ANKRD45: variants seen among roughly 807,000 people sequenced by gnomAD.
The protein encoded by ANKRD45 is ankyrin repeat domain 45.
In ANKRD45, 21 loss-of-function variants were observed where a neutral mutation model predicts 28.1. That is an observed-to-expected ratio of 0.75 (90% CI 0.53 to 1.08). The LOEUF (loss-of-function observed/expected upper bound fraction) is 1.08. ANKRD45 is among the 50% of genes least tolerant of loss of function. The probability of loss-of-function intolerance (pLI) is 0.00; values close to 1 mark genes in which losing one functional copy is unlikely to be tolerated. For synonymous variants in ANKRD45, 86 were observed against 103.9 expected (o/e 0.83, Z 1.05); for missense variants, 261 against 308.7 (o/e 0.85, Z 1.16).
intron 2 of ANKRD45, among the ~76,000 whole-genome samples, chr1:173,656,066 AGGCGATGCCCTGCCCTGCTTT>A: frequency 1.3e-5 from 2 of 152,308 alleles, no homozygotes; most frequent in Middle Eastern, 6.8e-3. Context: ...TTCCCATGTG[AGGCGATGCCCTGCCCTGCTTT>A]GGCTCACCCT....
chr1:173,659,436 A>G lies in ANKRD45; in HGVS notation c.-15-3T>C. ...GACTCCATTAACTCCAAAAATACCT[A>G]TGACCAAAAAAATAAAAAAGTGATA... On this transcript the variant is annotated splice_polypyrimidine_tract_variant and splice_region_variant and intron_variant, in intron 1 of 5. Transcript: ENST00000333279. The G allele has an allele frequency of 6.6e-7, 1 of 1,504,676 alleles. No homozygotes were observed. 93.2% of individuals were successfully genotyped at this position (1,504,676 alleles called of 1,614,324 possible).
intron 5 of ANKRD45, among the ~76,000 whole-genome samples, chr1:173,616,834 C>T (rs1428130547): frequency 6.6e-6 from 1 of 152,166 alleles, no homozygotes; most frequent in African/African-American, 2.4e-5. Context: ...TATCCAGGTT[C>T]TTCCATTGGG....
chr1:173,637,990 G>C (rs1668529903), intron 3 of ANKRD45, among the ~76,000 whole-genome samples: 1 of 152,136 alleles, frequency 6.6e-6, no homozygotes, highest in African/African-American at 2.4e-5. Flanking sequence ...AAAGAGAGAG[G>C]CTTGCAGGAC....
chr1:173,610,048 TAAAG>T lies in ANKRD45; in HGVS notation c.*93_*96del. The T allele has an allele frequency of 7.9e-7, 1 of 1,272,004 alleles. No individual in the cohort carries two copies. Among genetic ancestry groups the T allele is most frequent in the Non-Finnish European group, 1.1e-6 (1 of 883,116 alleles). The allele number at this position is 1,272,004 out of a possible 1,614,324, so 78.8% of individuals were successfully genotyped here. A position where few individuals can be genotyped will look rare whatever the true frequency, so the allele number is the denominator to read the frequency against. On this transcript the variant is annotated 3_prime_UTR_variant, in exon 6 of 6. Coordinates refer to ENST00000333279, the MANE Select transcript of ANKRD45 (RefSeq NM_198493.3). ...CGATGTAATGTTGTACTTAAATACT[TAAAG>T]AAACCCACATCTGTTTTCTCGATTT...
At chr1:173,692,303 T>C in the ANKRD45 span, among the ~76,000 whole-genome samples, 1 of 152,160 alleles carries the variant, frequency 6.6e-6, no homozygotes, top group Non-Finnish European at 1.5e-5. Flanking sequence ...GAGACATTAA[T>C]CAACATATGT....
At position 173,659,299 on chromosome 1, in the gene ANKRD45, T is replaced by C. The variant is rs1391703166; in HGVS notation, c.120A>G (p.Leu40=). ...PEETGPKNPL[L]QPALTGDVEG... is the part of the protein sequence containing the mutation. ...CTACATCCCCTGTGAGAGCAGGTTGTAAAAGGGGGTTCTTAGGGCCTGTTT... is the reference window on the plus strand; with the variant it reads ...CTACATCCCCTGTGAGAGCAGGTTGCAAAAGGGGGTTCTTAGGGCCTGTTT... The change falls in exon 2 of 6, where the codon TTA becomes TTG. Residue 40 remains leucine (L), a synonymous_variant. Coordinates refer to ENST00000333279, the MANE Select transcript of ANKRD45 (RefSeq NM_198493.3). The C allele has an allele frequency of 1.9e-6, 3 of 1,613,794 alleles. No individual in the cohort carries two copies. In the African/African-American group the frequency reaches 4.0e-5, roughly 22 times the overall value.
At chr1:173,653,125 C>T (rs1205442945) in intron 2 of ANKRD45, among the ~76,000 whole-genome samples, 3 of 152,020 alleles carry the variant, frequency 2.0e-5, no homozygotes, top group Non-Finnish European at 4.4e-5. Flanking sequence ...TTAGTTATTT[C>T]TTGCCTTCTG....
At chr1:173,663,054 AACACACACACACACACAC>A (rs60072209) in intron 1 of ANKRD45, among the ~76,000 whole-genome samples, 6 of 140,246 alleles carry the variant, frequency 4.3e-5, no homozygotes, top group Non-Finnish European at 7.9e-5. Context: ...CCACCCTTCC[AACACACACACACACACAC>A]ACACACACAC....
chr1:173,690,539 C>T, the ANKRD45 span, among the ~76,000 whole-genome samples: 1 of 152,142 alleles, frequency 6.6e-6, no homozygotes. Context: ...AGATACTGGA[C>T]TTTTATCATT....
At chr1:173,662,578 T>G (rs1196722985) in intron 1 of ANKRD45, among the ~76,000 whole-genome samples, 2 of 152,304 alleles carry the variant, frequency 1.3e-5, no homozygotes, top group East Asian at 1.9e-4. Flanking sequence ...CCATCATACT[T>G]AGTGTGTAAG....
At chr1:173,697,085 A>G in the ANKRD45 span, among the ~76,000 whole-genome samples, 1 of 152,224 alleles carries the variant, frequency 6.6e-6, no homozygotes, top group Non-Finnish European at 1.5e-5. Context: ...AGATCAAATT[A>G]ATGAAATGAA....
intron 1 of ANKRD45, 102 bp from the exon 2 acceptor site, chr1:173,659,535 T>C (rs1669691806): frequency 9.9e-7 from 1 of 1,007,376 alleles, no homozygotes; most frequent in South Asian, 2.4e-5. Flanking sequence ...GGTATAAAAA[T>C]ACTTAACTAT....
In ANKRD45 at chr1:173,615,247, C is replaced by T. The variant is rs909388440; in HGVS notation, c.731-5032G>A. Among the ~76,000 whole-genome samples the T allele has an allele frequency of 7.9e-5, 12 of 151,798 alleles. 1 individual carries two copies. Among genetic ancestry groups the T allele is most frequent in the Admixed American group, 5.9e-4 (9 of 15,252 alleles). The stretch of plus-strand genomic sequence containing the variant: ...TAAAAATGCAAAAATTAGCTGGGCG[C>T]GGTGGCACGTGCCTGTAATCCCAGC... On this transcript the variant is annotated intron_variant, in intron 5 of 5. Transcript: ENST00000333279.
At chr1:173,636,433 C>A (rs749022565) in intron 3 of ANKRD45, among the ~76,000 whole-genome samples, 1 of 152,242 alleles carries the variant, frequency 6.6e-6, no homozygotes, top group East Asian at 1.9e-4. Flanking sequence ...ACCTCATTGA[C>A]CTTCAGAAGA....
At chr1:173,684,802 A>T in the ANKRD45 span, among the ~76,000 whole-genome samples, 1 of 152,344 alleles carries the variant, frequency 6.6e-6, no homozygotes, top group Admixed American at 6.5e-5. Flanking sequence ...TCTGGCTAGT[A>T]GCCCCTAATT....
At chr1:173,686,990 T>C in the ANKRD45 span, among the ~76,000 whole-genome samples, 1 of 152,202 alleles carries the variant, frequency 6.6e-6, no homozygotes, top group South Asian at 2.1e-4. Flanking sequence ...AAGAAAAACC[T>C]GTTGTGCTTT....
At chr1:173,673,152 C>T (rs1315995506), upstream of ANKRD45, among the ~76,000 whole-genome samples, 1 of 150,928 alleles carries the variant, frequency 6.6e-6, no homozygotes, top group African/African-American at 2.4e-5. Context: ...CTTCTGTCAC[C>T]CAGGCTGGAG....
chr1:173,684,623 T>C, the ANKRD45 span, among the ~76,000 whole-genome samples: 2 of 152,240 alleles, frequency 1.3e-5, no homozygotes, highest in Non-Finnish European at 2.9e-5. Flanking sequence ...CCCTGAGTTG[T>C]TGGCTAACTC....
At chr1:173,637,884 T>A (rs989123017) in intron 3 of ANKRD45, among the ~76,000 whole-genome samples, 2 of 152,172 alleles carry the variant, frequency 1.3e-5, no homozygotes, top group Non-Finnish European at 2.9e-5. Context: ...TCCTCTCTCA[T>A]GGGGAGGTGC....
Sources: allele counts gnomAD v4.1 joint callset (sites outside exome capture counted in the v4.1 genomes callset), GRCh38; gene constraint gnomAD v4.1.1; transcripts MANE v1.5; gene names NCBI Gene and HGNC (gene_info 2026-07-23, HGNC 2026-07-21).